The following PTK2 variants were observed in gnomAD, a reference collection of about 807,000 sequenced individuals.
PTK2 encodes the protein focal adhesion kinase 1.
In PTK2, 45 loss-of-function variants were observed where a neutral mutation model predicts 150.1. That is an observed-to-expected ratio of 0.30 (90% CI 0.24 to 0.38). The LOEUF is 0.38. PTK2 is among the 10% of genes least tolerant of loss of function. PTK2 has a pLI of 1.00. For synonymous variants in PTK2, 432 were observed against 449.2 expected (o/e 0.96, Z 0.48); for missense variants, 919 against 1,307.3 (o/e 0.70, Z 4.58).
At chr8:140,930,274 A>G (rs1303195458) in intron 1 of PTK2, among the ~76,000 whole-genome samples, 1 of 152,232 alleles carries the variant, frequency 6.6e-6, no homozygotes, top group Non-Finnish European at 1.5e-5. Context: ...ATACTCATTA[A>G]CAACAAAAAC....
At chr8:140,892,531 G>A in intron 2 of PTK2, 1 of 398,962 alleles carries the variant, frequency 2.5e-6, no homozygotes, top group Non-Finnish European at 4.8e-6. Flanking sequence ...GCCAGACCCT[G>A]TCAACTCCCC....
At chr8:140,668,395 A>G in exon 30 of PTK2, 1 of 1,613,366 alleles carries the variant, frequency 6.2e-7, no homozygotes, top group Non-Finnish European at 8.5e-7. Flanking sequence ...GGTTGGCAGT[A>G]GGAGGGGGGC....
At chr8:140,889,986 C>T (rs987398231) in intron 3 of PTK2, among the ~76,000 whole-genome samples, 8 of 152,170 alleles carry the variant, frequency 5.3e-5, no homozygotes, top group African/African-American at 1.9e-4. Context: ...CCACAACAAC[C>T]TCCCGTGAAG....
intron 2 of PTK2, among the ~76,000 whole-genome samples, chr8:140,917,121 T>C (rs568631418): frequency 2.6e-5 from 4 of 152,292 alleles, no homozygotes; most frequent in African/African-American, 9.6e-5. Context: ...CCAGGTGTGG[T>C]GGCTCACACC....
At chr8:140,739,200 C>T (rs2100054269) in intron 20 of PTK2, 93 bp from the exon 24 acceptor site, 1 of 806,872 alleles carries the variant, frequency 1.2e-6, no homozygotes, top group Non-Finnish European at 1.8e-6. Context: ...AAGGAAAAAG[C>T]TTTAACTATT....
intron 17 of PTK2, among the ~76,000 whole-genome samples, chr8:140,747,735 A>AAGT (rs1164548555): frequency 2.1e-5 from 1 of 48,526 alleles, no homozygotes; most frequent in Admixed American, 2.7e-4. Flanking sequence ...GGGAGGAAGG[A>AAGT]AGTAGGAGGA....
chr8:140,890,974 A>G (rs1284650778), intron 2 of PTK2, among the ~76,000 whole-genome samples: 2 of 152,148 alleles, frequency 1.3e-5, no homozygotes, highest in Non-Finnish European at 2.9e-5. Context: ...CAGAATAAAT[A>G]TTTGTTAAAA....
chr8:140,799,730 T>C (rs1445043881), intron 12 of PTK2, among the ~76,000 whole-genome samples: 1 of 152,210 alleles, frequency 6.6e-6, no homozygotes, highest in Non-Finnish European at 1.5e-5. Context: ...AGACAGTTAC[T>C]GTTCTTCGTG....
intron 15 of PTK2, among the ~76,000 whole-genome samples, chr8:140,762,815 C>CT (rs2100070147): frequency 6.6e-6 from 1 of 151,812 alleles, no homozygotes; most frequent in African/African-American, 2.4e-5. Flanking sequence ...GGGTCTCACT[C>CT]TGTTGCCCAG....
At chr8:140,668,479 A>G (rs1589083426) in intron 29 of PTK2, 55 bp from the exon 34 acceptor site, 1 of 1,544,710 alleles carries the variant, frequency 6.5e-7, no homozygotes, top group Non-Finnish European at 8.7e-7. Context: ...GCGTGAGATC[A>G]CCACAATCAA....
intron 14 of PTK2, among the ~76,000 whole-genome samples, chr8:140,777,813 G>T (rs992965354): frequency 2.0e-5 from 3 of 152,202 alleles, no homozygotes; most frequent in African/African-American, 7.2e-5. Context: ...CCTCAGATCA[G>T]GGTAATGCTA....
chr8:140,732,532 T>A, intron 22 of PTK2: 1 of 525,884 alleles, frequency 1.9e-6, no homozygotes, highest in Non-Finnish European at 3.9e-6. Flanking sequence ...TCTAGCTAGC[T>A]AGGCTACTGG....
At chr8:140,792,218 T>C (rs919279830) in intron 13 of PTK2, among the ~76,000 whole-genome samples, 6 of 152,192 alleles carry the variant, frequency 3.9e-5, no homozygotes, top group African/African-American at 1.4e-4. Flanking sequence ...ACAAAAAATG[T>C]GGTTTATGCT....
At position 140,995,577 on chromosome 8, in the gene PTK2, G is replaced by A. The variant is rs551645899; in HGVS notation, c.-122+5548C>T. 6.3e-4 allele frequency among the ~76,000 whole-genome samples: 96 copies of A among 151,942 alleles called. 1 individual carries two copies. The highest frequency in any genetic ancestry group is 1.1e-3 in the Non-Finnish European group (75 of 67,972). On this transcript the variant is annotated intron_variant, in intron 1 of 31. Transcript: ENST00000522684. ...CCTAGCACTTTGGGAAAAGGTGGGC[G>A]GATTGCCTGAGCTCAGGAGTTTGAG...
exon 2 of PTK2, chr8:140,925,661 C>T: frequency 1.0e-6 from 1 of 985,238 alleles, no homozygotes. Context: ...ATTACTATAC[C>T]TCCCTTCCGT....
At chr8:140,802,761 G>A (rs902885635) in intron 11 of PTK2, among the ~76,000 whole-genome samples, 1 of 152,060 alleles carries the variant, frequency 6.6e-6, no homozygotes, top group African/African-American at 2.4e-5. Context: ...TGTTACAATT[G>A]CCTAAAGTAT....
intron 3 of PTK2, among the ~76,000 whole-genome samples, chr8:140,889,745 T>C (rs1258639936): frequency 6.6e-6 from 1 of 151,746 alleles, no homozygotes; most frequent in African/African-American, 2.4e-5. Context: ...AAAGAGGAGG[T>C]ATTTAACACT....
intron 14 of PTK2, among the ~76,000 whole-genome samples, chr8:140,767,856 T>TAC (rs1198263521): frequency 6.6e-6 from 1 of 152,172 alleles, no homozygotes; most frequent in Non-Finnish European, 1.5e-5. Context: ...ATTACACTGA[T>TAC]ATGATAGGTA....
intron 20 of PTK2, among the ~76,000 whole-genome samples, chr8:140,741,748 A>T (rs1368657927): frequency 6.6e-6 from 1 of 152,238 alleles, no homozygotes; most frequent in Non-Finnish European, 1.5e-5. Context: ...ATTATTCAGT[A>T]AAATATTAGT....
Sources: gnomAD v4.1 joint callset for allele counts (sites outside exome capture counted in the v4.1 genomes callset) on GRCh38, gnomAD v4.1.1 for gene constraint, MANE v1.5 for transcripts, NCBI Gene and HGNC (gene_info 2026-07-23, HGNC 2026-07-21) for gene names.